Variants in AATK observed in about 807,000 individuals in gnomAD.
AATK encodes lemur tail kinase 1, also known as serine/threonine-protein kinase LMTK1.
In AATK, 91 loss-of-function variants were observed where a neutral mutation model predicts 114.3. The observed-to-expected ratio is 0.80, with a 90% confidence interval of 0.67 to 0.95. AATK has a LOEUF of 0.95. AATK is among the 40% of genes least tolerant of loss of function. The pLI is 0.00. For synonymous variants in AATK, 1,075 were observed against 916.5 expected (o/e 1.17, Z -3.12); for missense variants, 2,176 against 1,965.2 (o/e 1.11, Z -2.03).
Position 81,121,957 on chromosome 17 carries a change from C to T in AATK, c.1979G>A (p.Gly660Asp). 1.3e-6 allele frequency: 2 copies of T among 1,599,818 alleles called. No homozygotes were observed. The highest frequency in any genetic ancestry group is 1.1e-5 in the South Asian group (1 of 90,930). Residue 660 changes from glycine (G) to aspartate (D), a missense_variant, in exon 11 of 14, where the codon GGC (glycine) becomes GAC (aspartate). Coordinates refer to ENST00000326724, the MANE Select transcript of AATK (RefSeq NM_001080395.3). ...TCCCACCTCCTCTAGCTCATCCTCG[C>T]CAGTCAGCGGCAGCGGGGGCGCCCC... ...SSGAPPLPLT[G>D]EDELEEVGAR...
chr17:81,119,263 G>GGGCCGGGAAGT, intron 13 of AATK, 117 bp downstream of exon 13: 2 of 1,124,538 alleles, frequency 1.8e-6, no homozygotes, highest in Non-Finnish European at 2.4e-6. Flanking sequence ...GGAAGGAGCG[G>GGGCCGGGAAGT]AGCGGAGCGG....
At chr17:81,144,077 C>T (rs1372403616) in intron 1 of AATK, among the ~76,000 whole-genome samples, 3 of 152,224 alleles carry the variant, frequency 2.0e-5, no homozygotes, top group Non-Finnish European at 2.9e-5. Flanking sequence ...CCCCTGTCCC[C>T]GCTCGGCCCT....
At chr17:81,143,679 C>G (rs560201466) in intron 1 of AATK, among the ~76,000 whole-genome samples, 1 of 152,338 alleles carries the variant, frequency 6.6e-6, no homozygotes, top group African/African-American at 2.4e-5. Flanking sequence ...AATCCCCACC[C>G]CTGATGAGGC....
Position 81,166,107 on chromosome 17 carries a change from C to CCCCCGCG in AATK, c.-122_-116dup, listed in dbSNP as rs1044968533. 40 of 537,500 alleles carry CCCCCGCG rather than the reference C, an allele frequency of 7.4e-5. No homozygotes were observed. The highest frequency in any genetic ancestry group is 7.1e-5 in the Admixed American group (1 of 14,062). The allele number at this position is 537,500 out of a possible 1,614,324, so 33.3% of individuals were successfully genotyped here. A position where few individuals can be genotyped will look rare whatever the true frequency, so the allele number is the denominator to read the frequency against. The stretch of plus-strand genomic sequence containing the variant: ...CCGCCGCAGGTGCGGAGCGCGCCGG[C>CCCCCGCG]CCCCGCGCCCCGCGCCCCCCGCCGC... On this transcript the variant is annotated 5_prime_UTR_variant, in exon 1 of 14. Coordinates refer to ENST00000326724, the MANE Select transcript of AATK (RefSeq NM_001080395.3).
intron 1 of AATK, among the ~76,000 whole-genome samples, chr17:81,160,711 C>A (rs1033509087): frequency 2.0e-5 from 3 of 152,242 alleles, no homozygotes; most frequent in African/African-American, 4.8e-5. Context: ...ATCAGGCTCC[C>A]ACCCAGGAGT....
Position 81,122,000 on chromosome 17 carries a change from A to G in AATK, c.1936T>C (p.Ser646Pro). 5.0e-6 allele frequency: 8 copies of G among 1,601,784 alleles called. No homozygotes were observed. Among genetic ancestry groups the G allele is most frequent in the Non-Finnish European group, 6.8e-6 (8 of 1,179,140 alleles). The change falls in exon 11 of 14, where the codon TCC becomes CCC. Residue 646 changes from serine to proline, a missense_variant. Coordinates refer to ENST00000326724, the MANE Select transcript of AATK (RefSeq NM_001080395.3). ...PAFFEDPLGT[S>P]PLGSSGAPPL... ...GGCGCCCCTGAGCTCCCCAAAGGGG[A>G]CGTGCCCAGTGGGTCCTCGAAGAAG...
In AATK at chr17:81,120,447, C is replaced by G. The variant is rs371044067; in HGVS notation, c.3489G>C (p.Glu1163Asp). ...CAGACTCGTCGCTGTCCTCACTGTC[C>G]TCCTCCTCCTCCTCCGGCCGGCCCT... ...ALEGRPEEEE[E>D]DSEDSDESDE... Residue 1163 changes from glutamate (E) to aspartate (D), a missense_variant, in exon 11 of 14, where the codon GAG becomes GAC. Coordinates refer to ENST00000326724, the MANE Select transcript of AATK (RefSeq NM_001080395.3). The G allele has an allele frequency of 6.6e-7, 1 of 1,514,986 alleles. No homozygotes were observed. The highest frequency in any genetic ancestry group is 8.9e-7 in the Non-Finnish European group (1 of 1,124,050). 93.8% of individuals were successfully genotyped at this position (1,514,986 alleles called of 1,614,324 possible). A position where few individuals can be genotyped will look rare whatever the true frequency, so the allele number is the denominator to read the frequency against.
rs1181018082 is a variant in AATK at position 81,132,105 on chromosome 17, G to A, written c.190-900C>T. On this transcript the variant is annotated intron_variant, in intron 2 of 13. Transcript: ENST00000326724. ...AGTCCAGGGCACATTCCTGCGCTGA[G>A]AGCCAAAGTCTCCAAAGTCCTGGGC... The A allele has an allele frequency of 4.6e-6, 5 of 1,087,210 alleles. No individual in the cohort carries two copies. In the African/African-American group the frequency reaches 8.3e-5, roughly 18 times the overall value. The allele number at this position is 1,087,210 out of a possible 1,614,324, so 67.3% of individuals were successfully genotyped here.
At chr17:81,148,118 C>T (rs893996254) in intron 1 of AATK, among the ~76,000 whole-genome samples, 1 of 151,280 alleles carries the variant, frequency 6.6e-6, no homozygotes, top group Non-Finnish European at 1.5e-5. Context: ...AAAAAATACC[C>T]CAAAGCGTGA....
At position 81,123,296 on chromosome 17, in the gene AATK, G is replaced by A; in HGVS notation, c.1010C>T (p.Pro337Leu). Residue 337 changes from proline to leucine, a missense_variant, in exon 10 of 14, where the codon CCC becomes CTC. Pro to Leu is a moderately conservative substitution (Grantham distance 98). This residue lies in a region of AATK where 273 missense variants were observed against 344.1 expected (regional missense o/e 0.79). Coordinates refer to ENST00000326724, the MANE Select transcript of AATK (RefSeq NM_001080395.3). ...IWELFELGTQ[P>L]YPQHSDQQVL... ...CTGCTGGTCCGAGTGCTGGGGATAG[G>A]GCTGCGTGCCCAGCTCAAAGAGCTC... 1.4e-6 allele frequency: 2 copies of A among 1,402,796 alleles called. No individual in the cohort carries two copies. The highest frequency in any genetic ancestry group is 1.9e-6 in the Non-Finnish European group (2 of 1,077,462). The allele number at this position is 1,402,796 out of a possible 1,614,324, so 86.9% of individuals were successfully genotyped here.
In AATK at chr17:81,139,730, G is replaced by T. The variant is rs1221121285; in HGVS notation, c.56-5229C>A. ...TGCTGATGCCCCAGCCCTCCACTGC[G>T]CTGCTGAGGCTGTGCCCCTGGCCAT... On this transcript the variant is annotated intron_variant, in intron 1 of 13. Transcript: ENST00000326724. Among the ~76,000 whole-genome samples the T allele has an allele frequency of 2.0e-5, 3 of 152,352 alleles. No individual in the cohort carries two copies. In the South Asian group the frequency reaches 6.2e-4, roughly 32 times the overall value.
chr17:81,165,676 A>G (rs776703732), intron 1 of AATK: 4 of 1,509,142 alleles, frequency 2.7e-6, no homozygotes. Flanking sequence ...TCCGTGCCCC[A>G]GTTACCTGTG....
rs2060838129 is a variant in AATK, at chr17:81,126,895, G to A, written c.622-335C>T. 5 of 1,131,732 alleles carry A rather than the reference G, an allele frequency of 4.4e-6. No homozygotes were observed. Among genetic ancestry groups the A allele is most frequent in the Non-Finnish European group, 5.5e-6 (5 of 914,222 alleles). The allele number at this position is 1,131,732 out of a possible 1,614,324, so 70.1% of individuals were successfully genotyped here. On this transcript the variant is annotated intron_variant, in intron 6 of 13. Coordinates refer to ENST00000326724, the MANE Select transcript of AATK (RefSeq NM_001080395.3). This position sits in a 1 kb window ranked among gnomAD's most constrained non-coding sequence, Gnocchi z 5.1. ...GGGGCTGGTGGTCGAGGGTTGGCCG[G>A]CAGCCCCTGACCTGCCGAAAGCCCA...
Position 81,121,372 on chromosome 17 carries a change from G to A in AATK, c.2564C>T (p.Ala855Val). The A allele has an allele frequency of 6.2e-7, 1 of 1,611,590 alleles. No homozygotes were observed. The highest frequency in any genetic ancestry group is 1.1e-5 in the South Asian group (1 of 90,854). ...NGSSSSPEVE[A>V]PSSEDEDTAE... is the part of the protein sequence containing the mutation. ...CGTGTCCTCATCCTCACTGCTGGGT[G>A]CCTCCACCTCGGGAGAGCTGCTGCT... Residue 855 changes from alanine (A) to valine (V), a missense_variant, in exon 11 of 14, where the codon GCA becomes GTA. This residue lies in a region of AATK where 1,701 missense variants were observed against 1,394.7 expected (regional missense o/e 1.22). Transcript: ENST00000326724.
Position 81,117,296 on chromosome 17 carries a change from T to G in AATK, c.*1106A>C, listed in dbSNP as rs1441680943. On this transcript the variant is annotated 3_prime_UTR_variant, in exon 14 of 14. Coordinates refer to ENST00000326724, the MANE Select transcript of AATK (RefSeq NM_001080395.3). Reference sequence around the variant, plus strand: ...ACCTCAGAAGACAACACACAAAGGTTTCTTTTGTCTTAGCTTCATTTCTCT... The same window carrying G: ...ACCTCAGAAGACAACACACAAAGGTGTCTTTTGTCTTAGCTTCATTTCTCT... 1.3e-5 allele frequency: 2 copies of G among 152,196 alleles called. No individual in the cohort carries two copies. Among genetic ancestry groups the G allele is most frequent in the Non-Finnish European group, 2.9e-5 (2 of 68,038 alleles). 9.4% of individuals were successfully genotyped at this position (152,196 alleles called of 1,614,324 possible).
intron 4 of AATK, 140 bp from the exon 5 acceptor site, chr17:81,128,050 C>T (rs1365053012): frequency 8.6e-6 from 9 of 1,049,762 alleles, no homozygotes; most frequent in Middle Eastern, 3.1e-4. Flanking sequence ...CTCATTGCAG[C>T]GTGAGGTATG....
intron 1 of AATK, among the ~76,000 whole-genome samples, chr17:81,135,598 A>G (rs2060997817): frequency 6.6e-6 from 1 of 152,170 alleles, no homozygotes; most frequent in South Asian, 2.1e-4. Flanking sequence ...TGGACGAGCC[A>G]AGAAACAGGG....
intron 1 of AATK, among the ~76,000 whole-genome samples, chr17:81,141,449 C>A (rs747262303): frequency 2.6e-4 from 39 of 152,184 alleles, no homozygotes; most frequent in African/African-American, 6.7e-4. Flanking sequence ...TCTGTCCCCC[C>A]CAAAAGAAAA....
chr17:81,159,959 C>T (rs759858642), intron 1 of AATK, among the ~76,000 whole-genome samples: 1 of 152,176 alleles, frequency 6.6e-6, no homozygotes, highest in South Asian at 2.1e-4. Flanking sequence ...GGACCCCACA[C>T]CCTCCCCGAG....
Sources: gnomAD v4.1 joint callset for allele counts (sites outside exome capture counted in the v4.1 genomes callset) on GRCh38, gnomAD v4.1.1 for gene constraint, gnomAD v4.1.1 regional missense constraint, Gnocchi (gnomAD v3.1) non-coding constraint, MANE v1.5 for transcripts, NCBI Gene and HGNC (gene_info 2026-07-23, HGNC 2026-07-21) for gene names.